FERMT2: variants seen among roughly 807,000 people sequenced by gnomAD.
FERMT2 encodes the protein FERM domain containing kindlin 2.
FERMT2 carries 15 observed loss-of-function variants against 82.7 expected under a neutral mutation model. The ratio of observed to expected loss-of-function variants is 0.18; its 90% CI spans 0.12 to 0.28. FERMT2 has a LOEUF of 0.28. Among genes scored for constraint, FERMT2 ranks in the 10% least tolerant of loss-of-function variants. The pLI is 1.00. For synonymous variants in FERMT2, 274 were observed against 271.5 expected, an observed-to-expected ratio of 1.01 and a Z score of -0.09; for missense variants, 645 against 809.4, an observed-to-expected ratio of 0.80 and a Z score of 2.46.
intron 10 of FERMT2, among the ~76,000 whole-genome samples, chr14:52,870,248 C>CT (rs1185198814): frequency 0.079 from 10,969 of 138,756 alleles, 488 homozygotes; most frequent in Middle Eastern, 0.12. Flanking sequence ...TACAAGTGTA[C>CT]TTTTTTTTTT....
At chr14:52,948,864 A>C (rs1037949462) in intron 2 of FERMT2, among the ~76,000 whole-genome samples, 36 of 152,332 alleles carry the variant, frequency 2.4e-4, no homozygotes, top group Admixed American at 2.1e-3. Context: ...AATATGGTCC[A>C]TTTACCATAA....
intron 3 of FERMT2, among the ~76,000 whole-genome samples, chr14:52,895,353 GT>G (rs1440258596): frequency 6.6e-6 from 1 of 152,110 alleles, no homozygotes; most frequent in Non-Finnish European, 1.5e-5. Flanking sequence ...TCTACCCCTA[GT>G]TATTTACCCA....
intron 12 of FERMT2, chr14:52,861,373 G>C (rs1241802436): frequency 3.8e-6 from 1 of 262,734 alleles, no homozygotes; most frequent in African/African-American, 2.3e-5. Context: ...CGTGTACCCA[G>C]TTACATCGTG....
At chr14:52,901,935 C>T (rs1487991012) in intron 3 of FERMT2, among the ~76,000 whole-genome samples, 1 of 152,114 alleles carries the variant, frequency 6.6e-6, no homozygotes, top group Non-Finnish European at 1.5e-5. Flanking sequence ...AGCAATGCAA[C>T]ACCAACAAAC....
intron 4 of FERMT2, among the ~76,000 whole-genome samples, chr14:52,890,737 G>A (rs1886892752): frequency 6.6e-6 from 1 of 151,546 alleles, no homozygotes; most frequent in African/African-American, 2.4e-5. Flanking sequence ...CAGAGTAGCT[G>A]GGATTACAGG....
intron 2 of FERMT2, among the ~76,000 whole-genome samples, chr14:52,943,708 G>A (rs1353789739): frequency 6.6e-6 from 1 of 152,128 alleles, no homozygotes; most frequent in African/African-American, 2.4e-5. Flanking sequence ...CCCAACATGT[G>A]TATGTTTGTG....
At chr14:52,887,124 C>T (rs1212264911) in intron 4 of FERMT2, among the ~76,000 whole-genome samples, 1 of 151,178 alleles carries the variant, frequency 6.6e-6, no homozygotes, top group Non-Finnish European at 1.5e-5. Context: ...AGGCTAGGTG[C>T]AGTGATCCCA....
At chr14:52,935,635 A>C (rs1203611318) in intron 2 of FERMT2, among the ~76,000 whole-genome samples, 1 of 152,124 alleles carries the variant, frequency 6.6e-6, no homozygotes, top group African/African-American at 2.4e-5. Flanking sequence ...AGCCTCCAGA[A>C]CTGTGAGAAA....
intron 2 of FERMT2, among the ~76,000 whole-genome samples, chr14:52,927,143 A>T (rs1424370788): frequency 6.6e-6 from 1 of 152,176 alleles, no homozygotes; most frequent in African/African-American, 2.4e-5. Flanking sequence ...TGCTTTACAA[A>T]TAAACATCTG....
rs1192500848 is a variant in FERMT2, at chr14:52,857,273, TTAAA to T, written c.*1100_*1103del. ...TTAAAAACAAGTACAAAAATAAATA[TTAAA>T]TAAAAGTTTTGCTTTTATTTAAAAT... is the stretch of plus-strand genomic sequence containing the variant. On this transcript the variant is annotated 3_prime_UTR_variant, in exon 15 of 15. Coordinates refer to ENST00000341590, the MANE Select transcript of FERMT2 (RefSeq NM_006832.3). The T allele has an allele frequency of 6.6e-6, 1 of 152,652 alleles. No homozygotes were observed. Among genetic ancestry groups the T allele is most frequent in the Non-Finnish European group, 1.5e-5 (1 of 68,044 alleles). The allele number at this position is 152,652 out of a possible 1,614,324, so 9.5% of individuals were successfully genotyped here. A position where few individuals can be genotyped will look rare whatever the true frequency, so the allele number is the denominator to read the frequency against.
chr14:52,874,673 C>T (rs912070253), intron 8 of FERMT2, among the ~76,000 whole-genome samples: 2 of 152,130 alleles, frequency 1.3e-5, no homozygotes, highest in African/African-American at 4.8e-5. Context: ...TGGATTTTTA[C>T]CATGACTTGA....
intron 3 of FERMT2, among the ~76,000 whole-genome samples, chr14:52,902,903 T>A (rs1887757632): frequency 1.1e-3 from 37 of 33,922 alleles, no homozygotes; most frequent in Admixed American, 2.5e-3. Context: ...CCCAAAACAC[T>A]GAAAATTAAA....
At chr14:52,948,506 A>C (rs1890464754) in intron 2 of FERMT2, 1 of 438,434 alleles carries the variant, frequency 2.3e-6, no homozygotes, top group Non-Finnish European at 4.5e-6. Flanking sequence ...AAGAGGAATC[A>C]GTATGAATTC....
chr14:52,918,277 A>G (rs868248441), intron 3 of FERMT2, among the ~76,000 whole-genome samples: 2 of 152,206 alleles, frequency 1.3e-5, no homozygotes, highest in African/African-American at 4.8e-5. Context: ...AAATGCTCCT[A>G]TTTATTAAAA....
At chr14:52,924,473 A>G (rs1370217133) in intron 2 of FERMT2, among the ~76,000 whole-genome samples, 1 of 152,128 alleles carries the variant, frequency 6.6e-6, no homozygotes, top group African/African-American at 2.4e-5. Context: ...CTCTCAAACC[A>G]AATATATCAG....
chr14:52,866,572 C>G (rs912861), intron 10 of FERMT2, among the ~76,000 whole-genome samples: 115,195 of 152,134 alleles, frequency 0.76, 46,694 homozygotes, highest in Non-Finnish European at 0.89. Context: ...CTGCTTAGCA[C>G]TGCAAGATGG....
intron 2 of FERMT2, among the ~76,000 whole-genome samples, chr14:52,929,099 C>T (rs748575316): frequency 6.6e-6 from 1 of 152,172 alleles, no homozygotes; most frequent in Non-Finnish European, 1.5e-5. Flanking sequence ...CCACAGATAA[C>T]TCAATTTATC....
intron 3 of FERMT2, among the ~76,000 whole-genome samples, chr14:52,908,493 G>C (rs866255240): frequency 1.3e-5 from 2 of 152,148 alleles, no homozygotes; most frequent in Admixed American, 1.3e-4. Context: ...AGATGGAGTT[G>C]ATAACACACA....
intron 2 of FERMT2, among the ~76,000 whole-genome samples, chr14:52,933,502 G>C (rs1473849891): frequency 6.6e-6 from 1 of 151,730 alleles, no homozygotes; most frequent in African/African-American, 2.4e-5. Context: ...CCTAAGGTCG[G>C]GAGTTCGAGA....
Sources: gnomAD v4.1 joint callset for allele counts (sites outside exome capture counted in the v4.1 genomes callset) on GRCh38, gnomAD v4.1.1 for gene constraint, MANE v1.5 for transcripts, NCBI Gene and HGNC (gene_info 2026-07-23, HGNC 2026-07-21) for gene names.